PALLD: variants seen among roughly 807,000 people sequenced by gnomAD.
PALLD encodes palladin, cytoskeletal associated protein.
A neutral mutation model predicts 123.5 loss-of-function variants in PALLD; 61 were observed. The ratio of observed to expected loss-of-function variants is 0.49; its 90% CI spans 0.40 to 0.61. The LOEUF (loss-of-function observed/expected upper bound fraction) is 0.61, where lower values mean the gene tolerates loss of function less well. PALLD is among the 20% of genes least tolerant of loss of function. The pLI is 0.00. For missense variants in PALLD, 1,273 were observed against 1,377.0 expected (o/e 0.92, Z 1.20); for synonymous variants, 465 against 496.4 (o/e 0.94, Z 0.84).
chr4:168,660,900 C>CTT (rs773848734), intron 2 of PALLD, among the ~76,000 whole-genome samples: 2 of 144,882 alleles, frequency 1.4e-5, no homozygotes, highest in Admixed American at 1.4e-4. Flanking sequence ...TCTTCTTCCT[C>CTT]TTTTTTTTTT....
In PALLD at chr4:168,926,316, G is replaced by C. The variant is rs752296365; in HGVS notation, c.*136G>C. The C allele has an allele frequency of 6.5e-7, 1 of 1,537,192 alleles. No homozygotes were observed. The highest frequency in any genetic ancestry group is 1.4e-5 in the African/African-American group (1 of 73,026). Reference sequence around the variant, plus strand: ...ACCAGGGACTAGACATCAAAGCAGCGTTCCAACCTGAGGCCAACCCATCTC... The same window carrying C: ...ACCAGGGACTAGACATCAAAGCAGCCTTCCAACCTGAGGCCAACCCATCTC... On this transcript the variant is annotated 3_prime_UTR_variant, in exon 22 of 22. Coordinates refer to ENST00000505667, the MANE Select transcript of PALLD (RefSeq NM_001166108.2).
intron 2 of PALLD, among the ~76,000 whole-genome samples, chr4:168,514,118 GA>G (rs72070878): frequency 0.36 from 52,022 of 146,342 alleles, 8,997 homozygotes; most frequent in South Asian, 0.38. Flanking sequence ...CTCAAAAAAA[GA>G]AAAAAAAAAA....
chr4:168,759,104 G>T (rs970046495), intron 10 of PALLD, among the ~76,000 whole-genome samples: 29 of 147,718 alleles, frequency 2.0e-4, no homozygotes, highest in African/African-American at 7.0e-4. Flanking sequence ...ACTTGAACCC[G>T]GGAGGCGGAG....
intron 2 of PALLD, among the ~76,000 whole-genome samples, chr4:168,534,378 T>A (rs1032857039): frequency 2.6e-5 from 4 of 152,240 alleles, no homozygotes; most frequent in African/African-American, 9.6e-5. Context: ...AGTGGCACTA[T>A]GAAACTAATA....
At chr4:168,730,567 G>C (rs1341765677) in intron 10 of PALLD, among the ~76,000 whole-genome samples, 1 of 151,976 alleles carries the variant, frequency 6.6e-6, no homozygotes, top group Non-Finnish European at 1.5e-5. Flanking sequence ...GTGATCTTTG[G>C]CACCAGCAAG....
intron 10 of PALLD, among the ~76,000 whole-genome samples, chr4:168,773,330 A>G (rs1321745039): frequency 6.6e-6 from 1 of 152,328 alleles, no homozygotes. Context: ...TTCCGGCAGG[A>G]GCTTCCACCA....
At chr4:168,742,917 T>C (rs1308477097) in intron 10 of PALLD, among the ~76,000 whole-genome samples, 1 of 152,218 alleles carries the variant, frequency 6.6e-6, no homozygotes, top group Non-Finnish European at 1.5e-5. Flanking sequence ...CTCCTTTTGA[T>C]TTTCAGTGAT....
chr4:168,693,677 A>G (rs1782861190), intron 8 of PALLD, among the ~76,000 whole-genome samples: 1 of 152,188 alleles, frequency 6.6e-6, no homozygotes, highest in African/African-American at 2.4e-5. Flanking sequence ...ATCTGTCAAT[A>G]CACCAAAAAA....
At chr4:168,587,246 A>C (rs1770923555) in intron 2 of PALLD, among the ~76,000 whole-genome samples, 1 of 152,230 alleles carries the variant, frequency 6.6e-6, no homozygotes, top group Non-Finnish European at 1.5e-5. Flanking sequence ...AGGGATTTGG[A>C]AAATTCTGGC....
chr4:168,801,525 G>A (rs1265347119), intron 10 of PALLD, among the ~76,000 whole-genome samples: 1 of 152,094 alleles, frequency 6.6e-6, no homozygotes, highest in East Asian at 1.9e-4. Flanking sequence ...TGATCTGCCC[G>A]CCTCGGCCTC....
At chr4:168,580,802 G>T (rs914187540) in intron 2 of PALLD, among the ~76,000 whole-genome samples, 5 of 151,894 alleles carry the variant, frequency 3.3e-5, no homozygotes, top group African/African-American at 9.7e-5. Context: ...CAAAAAAAAC[G>T]AGATCAAGTC....
chr4:168,664,118 A>G (rs1244594329), intron 2 of PALLD, among the ~76,000 whole-genome samples: 3 of 152,222 alleles, frequency 2.0e-5, no homozygotes, highest in East Asian at 3.8e-4. Context: ...CGTTGTCTCA[A>G]TCCAGCCATT....
At chr4:168,838,321 T>C (rs1041450504) in intron 10 of PALLD, among the ~76,000 whole-genome samples, 2 of 152,102 alleles carry the variant, frequency 1.3e-5, no homozygotes, top group African/African-American at 2.4e-5. Context: ...GATTCTCCTG[T>C]AGCCCCAGAA....
intron 10 of PALLD, among the ~76,000 whole-genome samples, chr4:168,812,504 T>C (rs375122834): frequency 2.4e-4 from 36 of 152,294 alleles, no homozygotes; most frequent in East Asian, 1.5e-3. Context: ...GCAGAAAGTT[T>C]AGCAAAGAAG....
intron 2 of PALLD, among the ~76,000 whole-genome samples, chr4:168,564,797 A>G (rs1446218772): frequency 6.6e-6 from 1 of 152,168 alleles, no homozygotes; most frequent in African/African-American, 2.4e-5. Context: ...ATCACTATAG[A>G]TTAAGTCATA....
chr4:168,546,296 C>A (rs930422673), intron 2 of PALLD, among the ~76,000 whole-genome samples: 15 of 142,950 alleles, frequency 1.0e-4, no homozygotes, highest in African/African-American at 3.1e-4. Flanking sequence ...AATTCCAACG[C>A]CCCCCACCCC....
intron 2 of PALLD, among the ~76,000 whole-genome samples, chr4:168,559,627 T>C (rs142521044): frequency 2.0e-4 from 31 of 152,284 alleles, no homozygotes; most frequent in African/African-American, 7.2e-4. Context: ...CTGGGTGTGG[T>C]GGCTCACACC....
At chr4:168,688,366 C>T (rs1297675999) in intron 6 of PALLD, among the ~76,000 whole-genome samples, 1 of 152,222 alleles carries the variant, frequency 6.6e-6, no homozygotes, top group Non-Finnish European at 1.5e-5. Flanking sequence ...GCCTGCAGGC[C>T]ACCTGGCAGA....
chr4:168,730,566 G>A (rs1213342448), intron 10 of PALLD, among the ~76,000 whole-genome samples: 1 of 151,956 alleles, frequency 6.6e-6, no homozygotes, highest in African/African-American at 2.4e-5. Flanking sequence ...CGTGATCTTT[G>A]GCACCAGCAA....
Sources: gnomAD v4.1 joint callset for allele counts (sites outside exome capture counted in the v4.1 genomes callset) on GRCh38, gnomAD v4.1.1 for gene constraint, MANE v1.5 for transcripts, NCBI Gene and HGNC (gene_info 2026-07-23, HGNC 2026-07-21) for gene names.